Variants in RBL1 observed in about 807,000 individuals in gnomAD.
The protein encoded by RBL1 is retinoblastoma-like protein 1.
Under a neutral mutation model 123.0 loss-of-function variants are expected in RBL1, and 82 were observed. That is an observed-to-expected ratio of 0.67 (90% confidence interval 0.56 to 0.80). The LOEUF (loss-of-function observed/expected upper bound fraction) is 0.80, where lower values mean the gene tolerates loss of function less well. Ranked by LOEUF, RBL1 falls within the 30% of genes least tolerant of loss-of-function variation. The pLI is 0.00. For missense variants in RBL1, 1,171 were observed against 1,299.6 expected (o/e 0.90, Z 1.52); for synonymous variants, 405 against 441.3 (o/e 0.92, Z 1.03).
intron 21 of RBL1, among the ~76,000 whole-genome samples, chr20:37,002,004 G>A (rs570079351): frequency 6.7e-6 from 1 of 149,414 alleles, no homozygotes; most frequent in East Asian, 2.0e-4. Flanking sequence ...CTCTCGATGT[G>A]TAGTACCCAG....
At position 37,018,301 on chromosome 20, in the gene RBL1, A is replaced by G. The variant is rs777568631; in HGVS notation, c.2700T>C (p.Asp900=). Residue 900 remains aspartate, a synonymous_variant, in exon 19 of 22, where the codon GAT becomes GAC. Transcript: ENST00000373664. The part of the protein sequence containing the change: ...EVVAYNKNIN[D]DFEMIDCDLE... ...TACCACAATCTATCATTTCAAAGTC[A>G]TCATTTATATTTTTATTATATGCCA... The G allele has an allele frequency of 6.2e-7, 1 of 1,610,940 alleles. No homozygotes were observed. The highest frequency in any genetic ancestry group is 8.5e-7 in the Non-Finnish European group (1 of 1,179,026).
chr20:37,059,068 T>C (rs957207532), intron 9 of RBL1, among the ~76,000 whole-genome samples: 1 of 152,226 alleles, frequency 6.6e-6, no homozygotes. Context: ...TTTTTTCTTT[T>C]GCATTCTATA....
intron 15 of RBL1, 71 bp downstream of exon 15, chr20:37,035,171 T>C: frequency 7.2e-7 from 1 of 1,386,490 alleles, no homozygotes; most frequent in Non-Finnish European, 9.8e-7. Flanking sequence ...AACCATGTGA[T>C]CTAATCCACT....
Position 37,067,307 on chromosome 20 carries a change from GAAAA to G in RBL1, c.492-14_492-11del, listed in dbSNP as rs763861426. 6.3e-7 allele frequency: 1 copy of G among 1,581,706 alleles called. No individual in the cohort carries two copies. Among genetic ancestry groups the G allele is most frequent in the African/African-American group, 1.4e-5 (1 of 73,056 alleles). Reference sequence around the variant, plus strand: ...ACTGCAAGGAATCCTCCTAAAAAGGGAAAAAAATTACTTTTTGTCTGACTAGCTC... The same window carrying G: ...ACTGCAAGGAATCCTCCTAAAAAGGGAAATTACTTTTTGTCTGACTAGCTC... On this transcript the variant is annotated splice_polypyrimidine_tract_variant and intron_variant, in intron 3 of 21. Coordinates refer to ENST00000373664, the MANE Select transcript of RBL1 (RefSeq NM_002895.5).
intron 7 of RBL1, among the ~76,000 whole-genome samples, chr20:37,063,605 G>A (rs2065131072): frequency 6.6e-6 from 1 of 151,666 alleles, no homozygotes. Flanking sequence ...TCCGCCTCCT[G>A]GGTTCAAGTG....
At chr20:37,014,234 T>C (rs1476523332) in intron 19 of RBL1, among the ~76,000 whole-genome samples, 3 of 151,990 alleles carry the variant, frequency 2.0e-5, no homozygotes, top group Admixed American at 2.0e-4. Flanking sequence ...CCCACCACCA[T>C]GTGTGGCTAT....
rs1017412199 is a variant in RBL1, at chr20:37,067,264, A to T, written c.525T>A (p.Asn175Lys). 6.2e-6 allele frequency: 10 copies of T among 1,607,384 alleles called. No homozygotes were observed. The highest frequency in any genetic ancestry group is 8.5e-6 in the Non-Finnish European group (10 of 1,178,222). Residue 175 changes from asparagine to lysine, a missense_variant, in exon 4 of 22, where the codon AAT (asparagine) becomes AAA (lysine). Asn to Lys is a moderately conservative substitution (Grantham distance 94, BLOSUM62 0). Coordinates refer to ENST00000373664, the MANE Select transcript of RBL1 (RefSeq NM_002895.5). The part of the protein sequence containing the change: ...RIPCSVKDLF[N>K]FCWTLFVYTK... ...TATAAACAAAAAGTGTCCAACAGAAATTAAACAGATCCTTAACACTGCAAG... is the reference window on the plus strand; with the variant it reads ...TATAAACAAAAAGTGTCCAACAGAATTTAAACAGATCCTTAACACTGCAAG...
At chr20:37,011,600 A>G (rs577935107) in intron 19 of RBL1, among the ~76,000 whole-genome samples, 72 of 151,906 alleles carry the variant, frequency 4.7e-4, no homozygotes, top group East Asian at 1.9e-4. Flanking sequence ...ATGCCTGGCT[A>G]ATTTTTGTAT....
At chr20:37,028,885 C>T (rs747721799) in intron 16 of RBL1, among the ~76,000 whole-genome samples, 7 of 152,042 alleles carry the variant, frequency 4.6e-5, no homozygotes, top group Non-Finnish European at 7.4e-5. Flanking sequence ...GATAGCAAAG[C>T]CAGACAAAGA....
chr20:37,095,739 G>T (rs1305445976), intron 1 of RBL1, 34 bp downstream of exon 1: 1 of 1,546,354 alleles, frequency 6.5e-7, no homozygotes, highest in Non-Finnish European at 8.8e-7. Flanking sequence ...CCTGGCGAGG[G>T]TAGGGTCCGG....
chr20:37,020,492 T>C (rs914350421), intron 18 of RBL1, among the ~76,000 whole-genome samples, 167 bp downstream of exon 18: 2 of 152,346 alleles, frequency 1.3e-5, no homozygotes, highest in Middle Eastern at 3.4e-3. Flanking sequence ...TCCTGGCTTC[T>C]ATTGAAACTG....
At chr20:37,062,296 T>TA in intron 7 of RBL1, 26 bp from the exon 8 acceptor site, 2 of 1,605,858 alleles carry the variant, frequency 1.2e-6, no homozygotes, top group Non-Finnish European at 8.5e-7. Context: ...TTATAAGCTG[T>TA]AATACTAAGT....
At chr20:37,012,029 G>C (rs1568819965) in intron 19 of RBL1, among the ~76,000 whole-genome samples, 1 of 152,196 alleles carries the variant, frequency 6.6e-6, no homozygotes, top group East Asian at 1.9e-4. Context: ...CGCCTGACTG[G>C]TTTTCGTATT....
At chr20:37,043,650 C>T (rs1299661860) in intron 13 of RBL1, among the ~76,000 whole-genome samples, 1 of 151,838 alleles carries the variant, frequency 6.6e-6, no homozygotes, top group Admixed American at 6.6e-5. Flanking sequence ...CCAGCCCGGG[C>T]AAGAGTGAAA....
At chr20:37,038,301 C>CTT (rs890141235) in intron 14 of RBL1, among the ~76,000 whole-genome samples, 5 of 107,548 alleles carry the variant, frequency 4.6e-5, no homozygotes, top group Admixed American at 9.7e-5. Context: ...CTTATGCAAT[C>CTT]TTTTTTTTTT....
intron 16 of RBL1, among the ~76,000 whole-genome samples, chr20:37,030,854 CAAA>C (rs111256421): frequency 9.8e-6 from 1 of 101,900 alleles, no homozygotes. Context: ...GACTCTGTCT[CAAA>C]AAAAAAAAAA....
In RBL1 at chr20:37,049,954, C is replaced by T. The variant is rs187785086; in HGVS notation, c.1468-2764G>A. Among the ~76,000 whole-genome samples, 38 of 150,646 alleles carry T rather than the reference C, an allele frequency of 2.5e-4. 1 individual carries two copies. Among genetic ancestry groups the T allele is most frequent in the Admixed American group, 2.2e-3 (33 of 15,066 alleles). On this transcript the variant is annotated intron_variant, in intron 11 of 21. Transcript: ENST00000373664. ...GCGCATCCCTGTAATCCTAGCTACTCGGGAGGCTGAGGCAGGAGAATAGCT... is the reference window on the plus strand; with the variant it reads ...GCGCATCCCTGTAATCCTAGCTACTTGGGAGGCTGAGGCAGGAGAATAGCT...
At chr20:37,051,004 CTTTTT>C (rs998457010) in intron 11 of RBL1, among the ~76,000 whole-genome samples, 4 of 151,872 alleles carry the variant, frequency 2.6e-5, no homozygotes, top group African/African-American at 7.3e-5. Context: ...GAATTCTTTT[CTTTTT>C]TTAAGTTTTT....
At chr20:37,088,289 A>G (rs1415822765) in intron 2 of RBL1, among the ~76,000 whole-genome samples, 1 of 151,338 alleles carries the variant, frequency 6.6e-6, no homozygotes, top group Non-Finnish European at 1.5e-5. Context: ...AAAGAGAGAG[A>G]GAGAAAGATC....
Sources: gnomAD v4.1 joint callset for allele counts (sites outside exome capture counted in the v4.1 genomes callset) on GRCh38, gnomAD v4.1.1 for gene constraint, MANE v1.5 for transcripts, NCBI Gene and HGNC (gene_info 2026-07-23, HGNC 2026-07-21) for gene names.